KCNH2: variants seen among roughly 807,000 people sequenced by gnomAD.
The protein encoded by KCNH2 is potassium voltage-gated channel subfamily H member 2.
A neutral mutation model predicts 95.9 loss-of-function variants in KCNH2; 35 were observed. That is an observed-to-expected ratio of 0.37 (90% CI 0.28 to 0.48). The LOEUF (loss-of-function observed/expected upper bound fraction) is 0.48, where lower values mean the gene tolerates loss of function less well. Among genes scored for constraint, KCNH2 ranks in the 20% least tolerant of loss-of-function variants. The probability of loss-of-function intolerance (pLI) is 0.99; values close to 1 mark genes in which losing one functional copy is unlikely to be tolerated. For synonymous variants in KCNH2, 786 were observed against 754.7 expected (o/e 1.04, Z -0.68); for missense variants, 1,274 against 1,702.9 (o/e 0.75, Z 4.43).
At chr7:150,964,217 G>A (rs539612645) in intron 2 of KCNH2, among the ~76,000 whole-genome samples, 39 of 152,316 alleles carry the variant, frequency 2.6e-4, no homozygotes, top group Non-Finnish European at 5.4e-4. Context: ...GTCTCCGTGC[G>A]CTCCTCCGTA....
At chr7:150,963,892 C>T (rs1801634067) in intron 2 of KCNH2, among the ~76,000 whole-genome samples, 2 of 152,146 alleles carry the variant, frequency 1.3e-5, no homozygotes, top group Admixed American at 6.5e-5. Context: ...GCAGGTACAG[C>T]GCCATCCTGC....
Position 150,958,430 on chromosome 7 carries a change from G to A in KCNH2, c.545C>T (p.Ser182Leu), listed in dbSNP as rs1057517742. The stretch of plus-strand genomic sequence containing the variant: ...GGCGCCCGCGCCGCCCGCGCCGCCC[G>A]ACCGCACCGACGACTCCCGGGCCGT... ...ALTARESSVR[S>L]GGAGGAGAPG... is the part of the protein sequence containing the mutation. The change falls in exon 4 of 15, where the codon TCG (serine) becomes TTG (leucine). Residue 182 changes from serine (S) to leucine (L), a missense_variant. By Grantham distance (145) the Ser-to-Leu change is moderately radical (BLOSUM62 -2). Coordinates refer to ENST00000262186, the MANE Select transcript of KCNH2 (RefSeq NM_000238.4). The A allele has an allele frequency of 6.2e-6, 9 of 1,457,126 alleles. No homozygotes were observed. Among genetic ancestry groups the A allele is most frequent in the Non-Finnish European group, 8.1e-6 (9 of 1,111,940 alleles). The allele number at this position is 1,457,126 out of a possible 1,614,324, so 90.3% of individuals were successfully genotyped here.
At chr7:150,951,237 G>A (rs574433640) in intron 7 of KCNH2, 117 bp from the exon 8 acceptor site, 150 of 1,033,172 alleles carry the variant, frequency 1.5e-4, no homozygotes, top group African/African-American at 1.1e-3. Flanking sequence ...ACATGCCCAC[G>A]AGACGCCCTT....
intron 2 of KCNH2, among the ~76,000 whole-genome samples, chr7:150,970,013 C>A (rs1189823126): frequency 6.6e-6 from 1 of 152,050 alleles, no homozygotes; most frequent in Non-Finnish European, 1.5e-5. Context: ...CTGCCCACGT[C>A]GGGAGGGAAG....
In KCNH2 at chr7:150,945,344, T is replaced by C. The variant is rs763404850; in HGVS notation, c.*21A>G. 8 of 1,579,648 alleles carry C rather than the reference T, an allele frequency of 5.1e-6. No homozygotes were observed. The highest frequency in any genetic ancestry group is 3.4e-6 in the Non-Finnish European group (4 of 1,163,648). On this transcript the variant is annotated 3_prime_UTR_variant, in exon 15 of 15. Transcript: ENST00000262186. The surrounding 1 kb of genome is among the most constrained non-coding windows in gnomAD (Gnocchi z 5.6). ...CGCCTTGATCCCTGGGTGAGCCACG[T>C]GTCCACACTGGGCAGCCCCACTAAC...
In KCNH2 at chr7:150,958,113, T is replaced by TGTC. The variant is rs2117002971; in HGVS notation, c.859_861dup (p.Asp287dup). 1 of 1,298,224 alleles carries TGTC rather than the reference T, an allele frequency of 7.7e-7. No homozygotes were observed. Among genetic ancestry groups the TGTC allele is most frequent in the Admixed American group, 4.1e-5 (1 of 24,478 alleles). 80.4% of individuals were successfully genotyped at this position (1,298,224 alleles called of 1,614,324 possible). On this transcript the variant is annotated inframe_insertion, in exon 4 of 15. Coordinates refer to ENST00000262186, the MANE Select transcript of KCNH2 (RefSeq NM_000238.4). ...AGCACCCCGGCGCGCATGGCCTCGA[T>TGTC]GTCGTCGGCCGACGAGGCGCGGCGC...
chr7:150,972,859 C>T (rs2117056249), intron 2 of KCNH2, among the ~76,000 whole-genome samples: 2 of 152,326 alleles, frequency 1.3e-5, no homozygotes, highest in South Asian at 4.1e-4. Flanking sequence ...AAGGGGCCAG[C>T]CTAGACTGGG....
rs374052733 is a variant in KCNH2 at position 150,976,539 on chromosome 7, G to A, written c.76+1299C>T. The stretch of plus-strand genomic sequence containing the variant: ...CACCCCTTGTCCTCTCTCCCAGGCT[G>A]GGGAAAGAAGAGCAAGTTTCTTCGA... On this transcript the variant is annotated intron_variant, in intron 1 of 14. Coordinates refer to ENST00000262186, the MANE Select transcript of KCNH2 (RefSeq NM_000238.4). 7.9e-5 allele frequency among the ~76,000 whole-genome samples: 12 copies of A among 152,114 alleles called. No homozygotes were observed. The East Asian group carries it at 2.1e-3, about 27-fold the overall frequency.
At chr7:150,950,135 T>C (rs1355531894) in intron 9 of KCNH2, 33 bp downstream of exon 9, 1 of 1,582,254 alleles carries the variant, frequency 6.3e-7, no homozygotes, top group Admixed American at 1.7e-5. Context: ...GCAGAGGGCA[T>C]TTCCAGTCCA....
In KCNH2 at chr7:150,958,486, G is replaced by A. The variant is rs1307704357; in HGVS notation, c.489C>T (p.Phe163=). ...SWLAPGRAKT[F]RLKLPALLAL... ...CCAGCAGCGCGGGCAGCTTCAGGCGGAAGGTCTTGGCGCGGCCTGCGGGAG... is the reference window on the plus strand; with the variant it reads ...CCAGCAGCGCGGGCAGCTTCAGGCGAAAGGTCTTGGCGCGGCCTGCGGGAG... The change falls in exon 4 of 15, where the codon TTC becomes TTT. Residue 163 remains phenylalanine, a synonymous_variant. Coordinates refer to ENST00000262186, the MANE Select transcript of KCNH2 (RefSeq NM_000238.4). 2 of 1,473,162 alleles carry A rather than the reference G, an allele frequency of 1.4e-6. No individual in the cohort carries two copies. The highest frequency in any genetic ancestry group is 8.9e-7 in the Non-Finnish European group (1 of 1,118,784). 91.3% of individuals were successfully genotyped at this position (1,473,162 alleles called of 1,614,324 possible).
intron 5 of KCNH2, chr7:150,955,883 C>T (rs1256189286): frequency 7.3e-5 from 73 of 996,198 alleles, no homozygotes; most frequent in Non-Finnish European, 8.6e-5. Flanking sequence ...TCCCCCGCCC[C>T]GCCGGTGCCC....
At chr7:150,950,638 G>A (rs185711833) in intron 8 of KCNH2, among the ~76,000 whole-genome samples, 195 of 152,252 alleles carry the variant, frequency 1.3e-3, no homozygotes, top group South Asian at 3.7e-3. Flanking sequence ...AGACCTCCAT[G>A]TTCTTATTTG....
chr7:150,949,304 C>A (rs1395738834), intron 9 of KCNH2: 2 of 1,387,686 alleles, frequency 1.4e-6, no homozygotes, highest in Non-Finnish European at 1.9e-6. Flanking sequence ...AGCAGGACTA[C>A]CCCAAACCCC....
In KCNH2 at chr7:150,978,265, G is replaced by A. The variant is rs1228679048; in HGVS notation, c.-352C>T. The A allele has an allele frequency of 6.9e-6, 1 of 145,912 alleles. No individual in the cohort carries two copies. Among genetic ancestry groups the A allele is most frequent in the African/African-American group, 2.5e-5 (1 of 40,508 alleles). 9.0% of individuals were successfully genotyped at this position (145,912 alleles called of 1,614,324 possible). ...CCCGCCTGCCACCGCGCCGACAGCC[G>A]CTCCAGCGCCCGCGGCTCGGGCAGC... On this transcript the variant is annotated 5_prime_UTR_variant, in exon 1 of 15. Coordinates refer to ENST00000262186, the MANE Select transcript of KCNH2 (RefSeq NM_000238.4).
chr7:150,972,638 G>A (rs1403326949), intron 2 of KCNH2, among the ~76,000 whole-genome samples: 2 of 152,190 alleles, frequency 1.3e-5, no homozygotes, highest in African/African-American at 4.8e-5. Context: ...AGTTTTCTGG[G>A]TCACAGCCCC....
rs1184559298 is a variant in KCNH2 at position 150,958,292 on chromosome 7, G to A, written c.683C>T (p.Ala228Val). 2.0e-6 allele frequency: 3 copies of A among 1,466,416 alleles called. No homozygotes were observed. Among genetic ancestry groups the A allele is most frequent in the African/African-American group, 2.9e-5 (2 of 68,258 alleles). 90.8% of individuals were successfully genotyped at this position (1,466,416 alleles called of 1,614,324 possible). A position where few individuals can be genotyped will look rare whatever the true frequency, so the allele number is the denominator to read the frequency against. ...MDNHVAGLGP[A>V]EERRALVGPG... Reference sequence around the variant, plus strand: ...ACCCACCAGCGCACGCCGCTCCTCCGCGGGCCCGAGCCCTGCCACGTGGTT... The same window carrying A: ...ACCCACCAGCGCACGCCGCTCCTCCACGGGCCCGAGCCCTGCCACGTGGTT... The change falls in exon 4 of 15, where the codon GCG becomes GTG. Residue 228 changes from alanine (A) to valine (V), a missense_variant. Physicochemically the swap from Ala to Val is moderately conservative, Grantham distance 64. Transcript: ENST00000262186.
chr7:150,947,286 G>A, intron 13 of KCNH2, 42 bp downstream of exon 13: 1 of 1,477,792 alleles, frequency 6.8e-7, no homozygotes, highest in Non-Finnish European at 9.1e-7. Flanking sequence ...ACCTGGACCA[G>A]ACTCCAGGGC....
intron 2 of KCNH2, among the ~76,000 whole-genome samples, chr7:150,965,182 G>A (rs1801670343): frequency 6.6e-6 from 1 of 152,062 alleles, no homozygotes; most frequent in African/African-American, 2.4e-5. Context: ...CCCCACAGAA[G>A]CAGCATCTCC....
chr7:150,958,258 A>G lies in KCNH2; in HGVS notation c.717T>C (p.Ser239=). 2.1e-6 allele frequency: 3 copies of G among 1,422,242 alleles called. No homozygotes were observed. Among genetic ancestry groups the G allele is most frequent in the South Asian group, 2.9e-5 (2 of 68,950 alleles). 88.1% of individuals were successfully genotyped at this position (1,422,242 alleles called of 1,614,324 possible). ...EERRALVGPG[S]PPRSAPGQLP... Reference sequence around the variant, plus strand: ...GCTGGCCGGGCGCGCTGCGGGGCGGAGAGCCGGGACCCACCAGCGCACGCC... The same window carrying G: ...GCTGGCCGGGCGCGCTGCGGGGCGGGGAGCCGGGACCCACCAGCGCACGCC... The change falls in exon 4 of 15, where the codon TCT becomes TCC. Residue 239 remains serine, a synonymous_variant. Coordinates refer to ENST00000262186, the MANE Select transcript of KCNH2 (RefSeq NM_000238.4).
Sources: allele counts gnomAD v4.1 joint callset (sites outside exome capture counted in the v4.1 genomes callset), GRCh38; gene constraint gnomAD v4.1.1; non-coding constraint Gnocchi (gnomAD v3.1); transcripts MANE v1.5; gene names NCBI Gene and HGNC (gene_info 2026-07-23, HGNC 2026-07-21).